Variants in RHOF observed in about 807,000 individuals in gnomAD.
The protein encoded by RHOF is rho-related GTP-binding protein RhoF.
Under a neutral mutation model 22.2 loss-of-function variants are expected in RHOF, and 21 were observed. The ratio of observed to expected loss-of-function variants is 0.95; its 90% CI spans 0.67 to 1.36. The LOEUF (loss-of-function observed/expected upper bound fraction) is 1.36, where lower values mean the gene tolerates loss of function less well. RHOF is among the 40% of genes most tolerant of loss of function. RHOF has a pLI of 0.00. For synonymous variants in RHOF, 135 were observed against 131.2 expected, an observed-to-expected ratio of 1.03 and a Z score of -0.20; for missense variants, 285 against 293.7, an observed-to-expected ratio of 0.97 and a Z score of 0.22.
chr12:121,793,108 G>A, intron 2 of RHOF, 44 bp downstream of exon 2: 4 of 1,506,640 alleles, frequency 2.7e-6, no homozygotes, highest in Non-Finnish European at 3.6e-6. Flanking sequence ...GAAACCCTTC[G>A]GGCGGGCGGA....
intron 2 of RHOF, among the ~76,000 whole-genome samples, chr12:121,787,909 A>AGAGGGGGG (rs1874652403): frequency 2.0e-5 from 1 of 48,846 alleles, no homozygotes; most frequent in Non-Finnish European, 3.6e-5. Context: ...AAAAAAAAAA[A>AGAGGGGGG]GGGGGGGGGG....
Position 121,779,348 on chromosome 12 carries a change from A to C in RHOF, c.*150T>G. On this transcript the variant is annotated 3_prime_UTR_variant, in exon 5 of 5. Transcript: ENST00000267205. ...TTTGTGGTCAGAGCCCCAGCCAGGAAAGGAGAGAGTTCCAGAATGTTCCAA... is the reference window on the plus strand; with the variant it reads ...TTTGTGGTCAGAGCCCCAGCCAGGACAGGAGAGAGTTCCAGAATGTTCCAA... 1.2e-6 allele frequency: 1 copy of C among 826,766 alleles called. No individual in the cohort carries two copies. The highest frequency in any genetic ancestry group is 1.8e-6 in the Non-Finnish European group (1 of 542,600). The allele number at this position is 826,766 out of a possible 1,614,324, so 51.2% of individuals were successfully genotyped here.
chr12:121,779,953 G>GTA (rs369483659), intron 4 of RHOF: 1 of 404,110 alleles, frequency 2.5e-6, no homozygotes, highest in African/African-American at 2.0e-5. Flanking sequence ...TCCCCCAGGT[G>GTA]TCTCCCAGGC....
chr12:121,782,877 A>C (rs1466097460), intron 2 of RHOF: 1 of 152,106 alleles, frequency 6.6e-6, no homozygotes, highest in East Asian at 1.9e-4. Flanking sequence ...AAATCATAAA[A>C]TCTACCTCAC....
Position 121,779,322 on chromosome 12 carries a change from G to GT in RHOF, c.*175dup, listed in dbSNP as rs1204811911. 1 of 687,192 alleles carries GT rather than the reference G, an allele frequency of 1.5e-6. No individual in the cohort carries two copies. The highest frequency in any genetic ancestry group is 1.8e-5 in the African/African-American group (1 of 55,370). 42.6% of individuals were successfully genotyped at this position (687,192 alleles called of 1,614,324 possible). ...TGTCCCAGGGGCAGCCTGGAGGGGA[G>GT]TTTGTGGTCAGAGCCCCAGCCAGGA... On this transcript the variant is annotated 3_prime_UTR_variant, in exon 5 of 5. Transcript: ENST00000267205.
intron 2 of RHOF, among the ~76,000 whole-genome samples, chr12:121,788,121 C>T (rs1218105193): frequency 1.3e-5 from 2 of 152,132 alleles, no homozygotes; most frequent in African/African-American, 2.4e-5. Flanking sequence ...AAAAGCCCTA[C>T]AAGGTAGACA....
At chr12:121,784,095 T>C (rs568568707) in intron 2 of RHOF, among the ~76,000 whole-genome samples, 1 of 152,264 alleles carries the variant, frequency 6.6e-6, no homozygotes, top group African/African-American at 2.4e-5. Flanking sequence ...CATTTCTCTT[T>C]TCACCGTTTT....
chr12:121,780,484 G>A (rs1874409444), intron 4 of RHOF: 1 of 350,492 alleles, frequency 2.9e-6, no homozygotes, highest in East Asian at 4.6e-5. Flanking sequence ...TGAAGGGGAC[G>A]CCTACTTTCA....
chr12:121,787,367 G>T (rs1874635156), intron 2 of RHOF, among the ~76,000 whole-genome samples: 2 of 152,208 alleles, frequency 1.3e-5, no homozygotes, highest in Admixed American at 1.3e-4. Flanking sequence ...GGGGGCCTTT[G>T]TCAAGGTCAG....
In RHOF at chr12:121,793,508, G is replaced by GC; in HGVS notation, c.125dup (p.Ser43LeufsTer39). Reference sequence around the variant, plus strand: ...CTGCGGGCCTCACCTCGGGGAAGGAGCCCTGGCTGTACACCATGAGCAGCG... The same window carrying GC: ...CTGCGGGCCTCACCTCGGGGAAGGAGCCCCTGGCTGTACACCATGAGCAGCG... On this transcript the variant is annotated frameshift_variant, in exon 1 of 5. Transcript: ENST00000267205. LOFTEE classifies it high-confidence loss of function. 1 of 1,542,732 alleles carries GC rather than the reference G, an allele frequency of 6.5e-7. No homozygotes were observed. The highest frequency in any genetic ancestry group is 8.7e-7 in the Non-Finnish European group (1 of 1,146,782).
In RHOF at chr12:121,779,525, C is replaced by G. The variant is rs1566530501; in HGVS notation, c.609G>C (p.Lys203Asn). ...AGAGCAGCAGGCAGAGCCGGCGCTT[C>G]TTCTGCCGTTGCGCCTTCTTCAGAG... is the stretch of plus-strand genomic sequence containing the variant. ...LSALKKAQRQ[K>N]KRRLCLLL The change falls in exon 5 of 5, where the codon AAG (lysine) becomes AAC (asparagine). Residue 203 changes from lysine to asparagine, a missense_variant. Coordinates refer to ENST00000267205, the MANE Select transcript of RHOF (RefSeq NM_019034.3). 1 of 1,613,264 alleles carries G rather than the reference C, an allele frequency of 6.2e-7. No homozygotes were observed. The highest frequency in any genetic ancestry group is 1.7e-5 in the Admixed American group (1 of 60,028).
intron 2 of RHOF, among the ~76,000 whole-genome samples, chr12:121,786,289 G>C (rs947237779): frequency 2.0e-5 from 3 of 150,892 alleles, no homozygotes; most frequent in African/African-American, 7.3e-5. Flanking sequence ...CTCCTGACCT[G>C]AGATGATCCA....
intron 1 of RHOF, 66 bp from the exon 2 acceptor site, chr12:121,793,305 C>T: frequency 6.8e-7 from 1 of 1,474,670 alleles, no homozygotes; most frequent in South Asian, 1.2e-5. Context: ...CAGCTGAATC[C>T]ACTGTCCACC....
At chr12:121,787,590 C>T (rs1034509818) in intron 2 of RHOF, among the ~76,000 whole-genome samples, 3 of 152,194 alleles carry the variant, frequency 2.0e-5, no homozygotes, top group African/African-American at 7.2e-5. Flanking sequence ...AATATCGACT[C>T]TCTTTCTCTC....
In RHOF at chr12:121,779,599, C is replaced by T; in HGVS notation, c.535G>A (p.Glu179Lys). The change falls in exon 5 of 5, where the codon GAG becomes AAG. Residue 179 changes from glutamate (E) to lysine (K), a missense_variant. Glu to Lys is a moderately conservative substitution (Grantham distance 56, BLOSUM62 1). Transcript: ENST00000267205. Reference sequence around the variant, plus strand: ...TCCCGGAAGACGTCCTCCACATTCTCCCGAAACTTGGCGGAACATTCCAGG... The same window carrying T: ...TCCCGGAAGACGTCCTCCACATTCTTCCGAAACTTGGCGGAACATTCCAGG... ...LYLECSAKFR[E>K]NVEDVFREAA... The T allele has an allele frequency of 5.6e-6, 9 of 1,614,232 alleles. No individual in the cohort carries two copies. Among genetic ancestry groups the T allele is most frequent in the Non-Finnish European group, 5.9e-6 (7 of 1,180,046 alleles).
chr12:121,787,776 C>T (rs1409277626), intron 2 of RHOF, among the ~76,000 whole-genome samples: 2 of 151,778 alleles, frequency 1.3e-5, no homozygotes, highest in East Asian at 3.9e-4. Flanking sequence ...GTGGCATATG[C>T]CTGTAATCCC....
chr12:121,779,529 TGCCGTTGCGCCTTCTTCA>T lies in RHOF; in HGVS notation c.587_604del (p.Leu196_Arg201del), dbSNP rs776051242. ...CAGCAGGCAGAGCCGGCGCTTCTTCTGCCGTTGCGCCTTCTTCAGAGCGCTGAGAGCCACCTTGGCGGC... is the reference window on the plus strand; with the variant it reads ...CAGCAGGCAGAGCCGGCGCTTCTTCTGAGCGCTGAGAGCCACCTTGGCGGC... On this transcript the variant is annotated inframe_deletion, in exon 5 of 5. Transcript: ENST00000267205. The T allele has an allele frequency of 2.0e-4, 329 of 1,613,336 alleles. No homozygotes were observed. The highest frequency in any genetic ancestry group is 2.7e-4 in the Non-Finnish European group (317 of 1,180,032).
chr12:121,780,339 T>TG (rs1172100967), intron 4 of RHOF: 1 of 162,192 alleles, frequency 6.2e-6, no homozygotes, highest in African/African-American at 2.4e-5. Flanking sequence ...ATTACAGGCG[T>TG]GAGCCACTAT....
chr12:121,788,969 C>T (rs1169350757), intron 2 of RHOF, among the ~76,000 whole-genome samples: 2 of 152,182 alleles, frequency 1.3e-5, no homozygotes, highest in Admixed American at 1.3e-4. Context: ...TTACCCTCCA[C>T]ATTCTACCTA....
Sources: gnomAD v4.1 joint callset for allele counts (sites outside exome capture counted in the v4.1 genomes callset) on GRCh38, gnomAD v4.1.1 for gene constraint, MANE v1.5 for transcripts, NCBI Gene and HGNC (gene_info 2026-07-23, HGNC 2026-07-21) for gene names.